The following CTNND2 variants were observed in gnomAD, a reference collection of about 807,000 sequenced individuals.
CTNND2 encodes the protein catenin delta-2.
CTNND2 carries 22 observed loss-of-function variants against 144.4 expected under a neutral mutation model. The ratio of observed to expected loss-of-function variants is 0.15; its 90% confidence interval spans 0.11 to 0.22. CTNND2 has a LOEUF of 0.22. CTNND2 is among the 10% of genes least tolerant of loss of function. The pLI is 1.00. For missense variants in CTNND2, 1,353 were observed against 1,618.8 expected (o/e 0.84, Z 2.82); for synonymous variants, 751 against 695.6 (o/e 1.08, Z -1.25).
chr5:11,062,503 C>A (rs570088579), intron 16 of CTNND2, among the ~76,000 whole-genome samples: 1 of 152,300 alleles, frequency 6.6e-6, no homozygotes, highest in East Asian at 1.9e-4. Context: ...ACGTGAGCTC[C>A]CTCTGGGGAA....
intron 9 of CTNND2, among the ~76,000 whole-genome samples, chr5:11,257,083 T>A (rs959766614): frequency 2.0e-5 from 3 of 152,258 alleles, no homozygotes; most frequent in Admixed American, 6.5e-5. Context: ...GAAATTAATC[T>A]CTGTATGACC....
chr5:11,131,772 G>C lies in CTNND2; in HGVS notation c.2160-14205C>G, dbSNP rs145126320. Reference sequence around the variant, plus strand: ...CCATTGCACTCCAGCCTGGGCGATAGAGCGAGACTGCGTCTCAAAAAAAAA... The same window carrying C: ...CCATTGCACTCCAGCCTGGGCGATACAGCGAGACTGCGTCTCAAAAAAAAA... On this transcript the variant is annotated intron_variant, in intron 12 of 21. Transcript: ENST00000304623. Among the ~76,000 whole-genome samples, 1,241 of 152,132 alleles carry C rather than the reference G, an allele frequency of 8.2e-3. 6 individuals are homozygous for C. Among genetic ancestry groups the C allele is most frequent in the Non-Finnish European group, 0.013 (855 of 67,990 alleles).
At chr5:11,340,440 A>G (rs1168910798) in intron 9 of CTNND2, among the ~76,000 whole-genome samples, 2 of 152,176 alleles carry the variant, frequency 1.3e-5, no homozygotes, top group Non-Finnish European at 2.9e-5. Context: ...CTGAGGAGTG[A>G]GGGCTGCAGG....
At chr5:11,005,924 T>C (rs1740431034) in intron 18 of CTNND2, among the ~76,000 whole-genome samples, 1 of 152,208 alleles carries the variant, frequency 6.6e-6, no homozygotes, top group Non-Finnish European at 1.5e-5. Context: ...GTAACAAACC[T>C]GCATGTTCTG....
chr5:11,455,847 G>A (rs549166147), intron 3 of CTNND2, among the ~76,000 whole-genome samples: 10 of 152,086 alleles, frequency 6.6e-5, no homozygotes, highest in Middle Eastern at 3.4e-3. Context: ...TTTTCCATCC[G>A]AACCAAGAAT....
chr5:11,675,022 G>C (rs1784101166), intron 2 of CTNND2, among the ~76,000 whole-genome samples: 1 of 152,052 alleles, frequency 6.6e-6, no homozygotes, highest in South Asian at 2.1e-4. Flanking sequence ...CTTTCCAATG[G>C]GGTTATTGCA....
At chr5:11,738,352 C>T (rs1215081929) in intron 1 of CTNND2, among the ~76,000 whole-genome samples, 1 of 152,182 alleles carries the variant, frequency 6.6e-6, no homozygotes, top group Non-Finnish European at 1.5e-5. Context: ...CAGTTAGGCC[C>T]TGCATGCCGA....
intron 2 of CTNND2, among the ~76,000 whole-genome samples, chr5:11,635,137 T>C (rs1036170813): frequency 9.9e-5 from 15 of 152,142 alleles, no homozygotes; most frequent in Non-Finnish European, 2.9e-5. Flanking sequence ...GACTTGGGCA[T>C]GTTTTTAGGT....
chr5:11,073,009 C>T (rs1748510870), intron 16 of CTNND2, among the ~76,000 whole-genome samples: 1 of 152,236 alleles, frequency 6.6e-6, no homozygotes, highest in South Asian at 2.1e-4. Context: ...CCAATTACAG[C>T]TGTCCTTGCC....
At chr5:11,167,033 G>A (rs1399936172) in intron 11 of CTNND2, among the ~76,000 whole-genome samples, 8 of 152,146 alleles carry the variant, frequency 5.3e-5, no homozygotes, top group Non-Finnish European at 1.0e-4. Context: ...TGACCTCTAC[G>A]TTTTCCTCTT....
intron 3 of CTNND2, among the ~76,000 whole-genome samples, chr5:11,554,215 C>T (rs1776020912): frequency 6.6e-6 from 1 of 152,004 alleles, no homozygotes; most frequent in Admixed American, 6.6e-5. Context: ...TTTTAATTTG[C>T]ATAAAAATAA....
At chr5:11,681,277 G>C (rs927444402) in intron 2 of CTNND2, among the ~76,000 whole-genome samples, 5 of 152,202 alleles carry the variant, frequency 3.3e-5, no homozygotes, top group African/African-American at 1.2e-4. Flanking sequence ...AGAGCCCAGA[G>C]ATAAATGAGA....
At chr5:11,061,358 T>A (rs544070873) in intron 16 of CTNND2, among the ~76,000 whole-genome samples, 4 of 152,338 alleles carry the variant, frequency 2.6e-5, no homozygotes, top group African/African-American at 9.6e-5. Context: ...CTGATCATGC[T>A]TTCATGAGCC....
At chr5:11,473,954 C>CT (rs1331993967) in intron 3 of CTNND2, among the ~76,000 whole-genome samples, 1 of 152,214 alleles carries the variant, frequency 6.6e-6, no homozygotes, top group African/African-American at 2.4e-5. Flanking sequence ...TCCGCATCAT[C>CT]TTGTGACCAT....
intron 16 of CTNND2, among the ~76,000 whole-genome samples, chr5:11,067,086 C>G (rs1747702191): frequency 6.6e-6 from 1 of 152,110 alleles, no homozygotes; most frequent in Non-Finnish European, 1.5e-5. Context: ...GAGGGAAGAG[C>G]TTATGAAAAA....
At chr5:11,105,889 C>T (rs1035450160) in intron 14 of CTNND2, among the ~76,000 whole-genome samples, 2 of 152,174 alleles carry the variant, frequency 1.3e-5, no homozygotes, top group African/African-American at 4.8e-5. Context: ...GTACTCGAAC[C>T]AGCCAAGAGG....
intron 1 of CTNND2, among the ~76,000 whole-genome samples, chr5:11,814,869 A>C (rs1456170807): frequency 1.3e-5 from 2 of 152,224 alleles, no homozygotes; most frequent in East Asian, 3.8e-4. Context: ...TAAACAAGAG[A>C]ACTGAGTTGA....
intron 12 of CTNND2, among the ~76,000 whole-genome samples, chr5:11,134,367 A>G (rs1178212371): frequency 6.6e-6 from 1 of 152,208 alleles, no homozygotes; most frequent in South Asian, 2.1e-4. Flanking sequence ...CCAATGGCCA[A>G]TGCCTTGATT....
chr5:11,844,183 C>T (rs1017165879), intron 1 of CTNND2, among the ~76,000 whole-genome samples: 5 of 152,080 alleles, frequency 3.3e-5, no homozygotes, highest in African/African-American at 1.2e-4. Context: ...CTAACTAAAG[C>T]CCATGCATAT....
Sources: allele counts gnomAD v4.1 joint callset (sites outside exome capture counted in the v4.1 genomes callset), GRCh38; gene constraint gnomAD v4.1.1; transcripts MANE v1.5; gene names NCBI Gene and HGNC (gene_info 2026-07-23, HGNC 2026-07-21).